The following SHB variants were observed in gnomAD, a reference collection of about 807,000 sequenced individuals.
SHB encodes SH2 domain-containing adapter protein B.
A neutral mutation model predicts 52.3 loss-of-function variants in SHB; 20 were observed. The ratio of observed to expected loss-of-function variants is 0.38; its 90% CI spans 0.27 to 0.56. SHB has a LOEUF of 0.56. SHB is among the 20% of genes least tolerant of loss of function. SHB has a pLI of 0.71. For missense variants in SHB, 825 were observed against 723.3 expected (o/e 1.14, Z -1.61); for synonymous variants, 397 against 316.5 (o/e 1.25, Z -2.70).
chr9:38,064,568 T>C (rs187134028), intron 1 of SHB, among the ~76,000 whole-genome samples: 10 of 152,322 alleles, frequency 6.6e-5, no homozygotes. Context: ...CTTCCAACCC[T>C]AGATCCAGCT....
chr9:38,026,098 A>G (rs1198201570), intron 1 of SHB, among the ~76,000 whole-genome samples: 1 of 152,220 alleles, frequency 6.6e-6, no homozygotes, highest in African/African-American at 2.4e-5. Context: ...TTCTCACGGT[A>G]ACGTAAGGCT....
chr9:38,020,951 G>A (rs1029876677), intron 1 of SHB, among the ~76,000 whole-genome samples: 2 of 152,208 alleles, frequency 1.3e-5, no homozygotes, highest in African/African-American at 2.4e-5. Flanking sequence ...AGATCACCCG[G>A]CTACAGGAAG....
intron 5 of SHB, among the ~76,000 whole-genome samples, chr9:37,931,659 AG>A (rs1832312307): frequency 6.6e-6 from 1 of 152,276 alleles, no homozygotes; most frequent in African/African-American, 2.4e-5. Context: ...AGATTGGTAC[AG>A]CCATTATGGA....
intron 5 of SHB, among the ~76,000 whole-genome samples, chr9:37,927,387 C>T (rs752843588): frequency 6.6e-6 from 1 of 152,210 alleles, no homozygotes; most frequent in Admixed American, 6.5e-5. Flanking sequence ...AGCAAAATGA[C>T]GTGATTTACA....
intron 2 of SHB, among the ~76,000 whole-genome samples, chr9:37,998,941 A>G (rs1322736270): frequency 6.6e-6 from 1 of 152,176 alleles, no homozygotes; most frequent in Non-Finnish European, 1.5e-5. Context: ...TGGGGAACCC[A>G]CTGTGAGTCA....
In SHB at chr9:37,931,535, A is replaced by G. The variant is rs955030244; in HGVS notation, c.1347-11531T>C. On this transcript the variant is annotated intron_variant, in intron 5 of 5. Transcript: ENST00000377707. The stretch of plus-strand genomic sequence containing the variant: ...CAGGGACATGCAAGTCAAAACCACT[A>G]TGAGGTATCACTTCATACCCACTAG... 5.3e-5 allele frequency among the ~76,000 whole-genome samples: 8 copies of G among 152,272 alleles called. No individual in the cohort carries two copies. In the South Asian group the frequency reaches 6.2e-4, roughly 12 times the overall value.
In SHB at chr9:37,918,374, C is replaced by CGTGTGT. The variant is rs113506995; in HGVS notation, c.*1441_*1446dup. On this transcript the variant is annotated 3_prime_UTR_variant, in exon 6 of 6. Transcript: ENST00000377707. ...AAGAGAGAGGTCGCGTGTGCGTGTG[C>CGTGTGT]GTGTGTAGGTGTTCTTGTGTGTGGA... Among the ~76,000 whole-genome samples, 2,514 of 139,134 alleles carry CGTGTGT rather than the reference C, an allele frequency of 0.018. 99 individuals are homozygous for CGTGTGT. Among genetic ancestry groups the CGTGTGT allele is most frequent in the East Asian group, 0.051 (217 of 4,270 alleles). The allele number at this position is 139,134 out of a possible 152,430, so 91.3% of individuals were successfully genotyped here.
Position 38,068,385 on chromosome 9 carries a change from C to T in SHB, c.261G>A (p.Gln87=), listed in dbSNP as rs780289438. ...AGGGGTCCTCGAAGTCTCGCTCCTTCTGCGCGCGGTAGGCGCGGATGAGGT... is the reference window on the plus strand; with the variant it reads ...AGGGGTCCTCGAAGTCTCGCTCCTTTTGCGCGCGGTAGGCGCGGATGAGGT... ...TSDLIRAYRA[Q]KERDFEDPYN... is the part of the protein sequence containing the mutation. The change falls in exon 1 of 6, where the codon CAG becomes CAA. Residue 87 remains glutamine (Q), a synonymous_variant. Coordinates refer to ENST00000377707, the MANE Select transcript of SHB (RefSeq NM_003028.3). The T allele has an allele frequency of 4.4e-6, 7 of 1,576,368 alleles. No homozygotes were observed. The East Asian group carries it at 1.2e-4, about 27-fold the overall frequency.
At chr9:37,953,971 A>G (rs928407812) in intron 4 of SHB, among the ~76,000 whole-genome samples, 7 of 152,098 alleles carry the variant, frequency 4.6e-5, no homozygotes, top group Non-Finnish European at 1.0e-4. Context: ...AAGGAAAGAG[A>G]GCCCAACCCT....
intron 2 of SHB, among the ~76,000 whole-genome samples, chr9:37,975,339 A>C (rs1202224577): frequency 2.0e-5 from 3 of 152,198 alleles, no homozygotes; most frequent in Non-Finnish European, 2.9e-5. Flanking sequence ...AGCCTCCCCA[A>C]GGAGACCAGA....
At position 37,934,927 on chromosome 9, in the gene SHB, A is replaced by C. The variant is rs16934618; in HGVS notation, c.1346+13708T>G. Among the ~76,000 whole-genome samples the C allele has an allele frequency of 8.6e-3, 1,305 of 152,356 alleles. 17 individuals carry two copies. Among genetic ancestry groups the C allele is most frequent in the African/African-American group, 0.029 (1,204 of 41,582 alleles). On this transcript the variant is annotated intron_variant, in intron 5 of 5. Coordinates refer to ENST00000377707, the MANE Select transcript of SHB (RefSeq NM_003028.3). The stretch of plus-strand genomic sequence containing the variant: ...TTTTTGTTCCCCCTGCACGTCTGCA[A>C]GTAATTGAGTTCCACAAAGTTACTT...
chr9:38,017,608 A>C (rs989648579), intron 1 of SHB, among the ~76,000 whole-genome samples: 1 of 152,220 alleles, frequency 6.6e-6, no homozygotes, highest in Non-Finnish European at 1.5e-5. Context: ...CAAACAAGAG[A>C]AGCTCATCAG....
chr9:38,057,779 C>T (rs1821839963), intron 1 of SHB, among the ~76,000 whole-genome samples: 2 of 152,222 alleles, frequency 1.3e-5, no homozygotes, highest in Admixed American at 6.5e-5. Context: ...ACTCTCATTC[C>T]TCCTAGTTCT....
intron 1 of SHB, among the ~76,000 whole-genome samples, chr9:38,061,875 C>A (rs754307685): frequency 6.6e-6 from 1 of 152,206 alleles, no homozygotes. Context: ...ATGACAGTTA[C>A]AAGACTCACG....
chr9:37,935,550 T>G (rs902758557), intron 5 of SHB, among the ~76,000 whole-genome samples: 1 of 152,110 alleles, frequency 6.6e-6, no homozygotes, highest in Admixed American at 6.5e-5. Flanking sequence ...AGTGAGTTGC[T>G]GTGGGGAGTC....
At chr9:37,944,213 T>C (rs1053135386) in intron 5 of SHB, among the ~76,000 whole-genome samples, 2 of 152,060 alleles carry the variant, frequency 1.3e-5, no homozygotes, top group East Asian at 3.9e-4. Flanking sequence ...GGCTCTGAGA[T>C]GTCATGAGGT....
At chr9:37,942,436 C>T (rs955645342) in intron 5 of SHB, among the ~76,000 whole-genome samples, 3 of 152,300 alleles carry the variant, frequency 2.0e-5, no homozygotes, top group African/African-American at 4.8e-5. Flanking sequence ...CTCATTTTAT[C>T]GATGCAAGTG....
intron 1 of SHB, among the ~76,000 whole-genome samples, chr9:38,030,073 T>C (rs1821394578): frequency 6.6e-6 from 1 of 152,122 alleles, no homozygotes; most frequent in South Asian, 2.1e-4. Flanking sequence ...AGGGCTGCAG[T>C]CTGCCCTAAA....
At chr9:37,999,764 G>T (rs1820990399) in intron 2 of SHB, among the ~76,000 whole-genome samples, 1 of 152,214 alleles carries the variant, frequency 6.6e-6, no homozygotes, top group Non-Finnish European at 1.5e-5. Context: ...ACCAGGACAG[G>T]TTAGCACTAA....
Sources: allele counts gnomAD v4.1 joint callset (sites outside exome capture counted in the v4.1 genomes callset), GRCh38; gene constraint gnomAD v4.1.1; transcripts MANE v1.5; gene names NCBI Gene and HGNC (gene_info 2026-07-23, HGNC 2026-07-21).